The following CCDC141 variants were observed in gnomAD, a reference collection of about 807,000 sequenced individuals.
CCDC141 encodes the protein coiled-coil domain-containing protein 141.
A neutral mutation model predicts 181.0 loss-of-function variants in CCDC141; 168 were observed. The ratio of observed to expected loss-of-function variants is 0.93; its 90% confidence interval spans 0.82 to 1.05. The LOEUF (loss-of-function observed/expected upper bound fraction) is 1.05, where lower values mean the gene tolerates loss of function less well. Ranked by LOEUF, CCDC141 falls within the 50% of genes least tolerant of loss-of-function variation. The pLI is 0.00. For missense variants in CCDC141, 1,902 were observed against 1,788.5 expected, an observed-to-expected ratio of 1.06 and a Z score of -1.14; for synonymous variants, 666 against 642.3, an observed-to-expected ratio of 1.04 and a Z score of -0.56.
At chr2:179,027,782 G>A (rs1244855695) in intron 2 of CCDC141, among the ~76,000 whole-genome samples, 1 of 150,576 alleles carries the variant, frequency 6.6e-6, no homozygotes, top group African/African-American at 2.4e-5. Flanking sequence ...CCCCAACCAT[G>A]TGGAACAGTA....
At chr2:178,892,696 A>ATTGCT (rs1214123727) in intron 8 of CCDC141, among the ~76,000 whole-genome samples, 2 of 152,202 alleles carry the variant, frequency 1.3e-5, no homozygotes, top group African/African-American at 2.4e-5. Flanking sequence ...ATCAAAAGAA[A>ATTGCT]GGTATGACCC....
At chr2:178,853,778 T>C (rs1030720787) in intron 19 of CCDC141, among the ~76,000 whole-genome samples, 154 bp from the exon 20 acceptor site, 4 of 152,162 alleles carry the variant, frequency 2.6e-5, no homozygotes, top group African/African-American at 2.4e-5. Flanking sequence ...TATTAAAACA[T>C]GATCGTATTC....
At chr2:178,888,353 T>C (rs755971537) in intron 9 of CCDC141, among the ~76,000 whole-genome samples, 174 bp downstream of exon 9, 6 of 152,154 alleles carry the variant, frequency 3.9e-5, no homozygotes, top group Non-Finnish European at 7.4e-5. Context: ...TCAGGGATGG[T>C]TGATGAACAA....
At chr2:179,025,405 C>T (rs531577377) in intron 2 of CCDC141, among the ~76,000 whole-genome samples, 17 of 152,118 alleles carry the variant, frequency 1.1e-4, no homozygotes, top group South Asian at 8.3e-4. Flanking sequence ...TAGTGAATGA[C>T]TCTCACGAGA....
intron 2 of CCDC141, among the ~76,000 whole-genome samples, chr2:179,026,435 G>A (rs1371012448): frequency 6.6e-6 from 1 of 152,188 alleles, no homozygotes; most frequent in African/African-American, 2.4e-5. Flanking sequence ...GCCTACAAGT[G>A]CACAGAAGTC....
downstream of CCDC141, among the ~76,000 whole-genome samples, chr2:178,826,537 G>T (rs1684127618): frequency 6.6e-6 from 1 of 152,076 alleles, no homozygotes; most frequent in Admixed American, 6.6e-5. Context: ...TAATTTACCA[G>T]TGAAATCATC....
intron 6 of CCDC141, among the ~76,000 whole-genome samples, chr2:178,941,052 C>T (rs556682227): frequency 2.0e-5 from 3 of 152,196 alleles, no homozygotes; most frequent in Non-Finnish European, 4.4e-5. Flanking sequence ...ATTATTATTT[C>T]TTTCCTACAG....
chr2:178,931,439 G>A (rs1464129390), intron 6 of CCDC141, among the ~76,000 whole-genome samples: 1 of 152,132 alleles, frequency 6.6e-6, no homozygotes, highest in African/African-American at 2.4e-5. Context: ...ATCAACTGAG[G>A]AATGGCTAAA....
At chr2:178,884,646 C>T (rs1565286) in intron 11 of CCDC141, among the ~76,000 whole-genome samples, 5 of 152,018 alleles carry the variant, frequency 3.3e-5, no homozygotes, top group East Asian at 1.9e-4. Context: ...CTTTGGAAAA[C>T]GCACAGGTCA....
At position 178,995,137 on chromosome 2, in the gene CCDC141, G is replaced by A. The variant is rs556045934; in HGVS notation, c.226-16462C>T. Reference sequence around the variant, plus strand: ...TCTTTTCAGCAGCATCCCGCTCTACGGGTACCAATTTACTGTATTAGTCCA... The same window carrying A: ...TCTTTTCAGCAGCATCCCGCTCTACAGGTACCAATTTACTGTATTAGTCCA... On this transcript the variant is annotated intron_variant, in intron 2 of 23. Coordinates refer to ENST00000443758, the MANE Select transcript of CCDC141 (RefSeq NM_173648.4). Among the ~76,000 whole-genome samples, 7 of 152,226 alleles carry A rather than the reference G, an allele frequency of 4.6e-5. No homozygotes were observed. In the South Asian group the frequency reaches 6.2e-4, roughly 14 times the overall value.
the CCDC141 span, among the ~76,000 whole-genome samples, chr2:178,816,476 C>T: frequency 6.6e-6 from 1 of 152,178 alleles, no homozygotes; most frequent in African/African-American, 2.4e-5. Context: ...AAGTTTTCGC[C>T]ATTATGAATA....
chr2:179,022,056 T>C (rs1340436128), intron 2 of CCDC141, among the ~76,000 whole-genome samples: 1 of 152,184 alleles, frequency 6.6e-6, no homozygotes, highest in African/African-American at 2.4e-5. Context: ...CTCTTCCATA[T>C]CTGTTCTGTT....
chr2:178,987,460 T>G (rs1691809410), intron 2 of CCDC141, among the ~76,000 whole-genome samples: 1 of 152,032 alleles, frequency 6.6e-6, no homozygotes, highest in African/African-American at 2.4e-5. Flanking sequence ...AAGCCAAAAT[T>G]GACAAATGGG....
chr2:178,984,917 A>G (rs1265736610), intron 2 of CCDC141, among the ~76,000 whole-genome samples: 3 of 150,602 alleles, frequency 2.0e-5, no homozygotes, highest in Admixed American at 2.0e-4. Flanking sequence ...CGAGACAGAA[A>G]GTCAACAAGG....
At chr2:178,976,073 G>A (rs948634520) in intron 3 of CCDC141, among the ~76,000 whole-genome samples, 7 of 152,058 alleles carry the variant, frequency 4.6e-5, no homozygotes, top group Non-Finnish European at 7.4e-5. Context: ...GATGATTAAC[G>A]TGATGTTAAA....
At chr2:178,958,774 C>A (rs1381712666) in intron 5 of CCDC141, among the ~76,000 whole-genome samples, 1 of 151,412 alleles carries the variant, frequency 6.6e-6, no homozygotes, top group South Asian at 2.1e-4. Flanking sequence ...AGTCATGGGG[C>A]AGAAAGGCAA....
At chr2:178,990,134 C>T (rs113069173) in intron 2 of CCDC141, among the ~76,000 whole-genome samples, 1,915 of 104,694 alleles carry the variant, frequency 0.018, 45 homozygotes, top group African/African-American at 0.073. Context: ...AGCGAAATTC[C>T]ATCTCAAAAA....
At chr2:178,870,407 A>C (rs1310906845) in intron 14 of CCDC141, among the ~76,000 whole-genome samples, 1 of 152,084 alleles carries the variant, frequency 6.6e-6, no homozygotes, top group African/African-American at 2.4e-5. Flanking sequence ...TTGGGCATTA[A>C]ATATATGTGC....
chr2:179,007,114 C>A (rs746318824), intron 2 of CCDC141, among the ~76,000 whole-genome samples: 5 of 152,170 alleles, frequency 3.3e-5, no homozygotes, highest in African/African-American at 4.8e-5. Flanking sequence ...TCTGGAAAAT[C>A]AGGTTCCACA....
Sources: gnomAD v4.1 joint callset for allele counts (sites outside exome capture counted in the v4.1 genomes callset) on GRCh38, gnomAD v4.1.1 for gene constraint, MANE v1.5 for transcripts, NCBI Gene and HGNC (gene_info 2026-07-23, HGNC 2026-07-21) for gene names.